Variants in USP6NL observed in about 807,000 individuals in gnomAD.
The protein encoded by USP6NL is USP6 N-terminal-like protein.
Under a neutral mutation model 61.9 loss-of-function variants are expected in USP6NL, and 26 were observed. The observed-to-expected ratio is 0.42, with a 90% CI of 0.31 to 0.58. The LOEUF is 0.58. USP6NL is among the 20% of genes least tolerant of loss of function. The pLI is 0.16. For missense variants in USP6NL, 1,114 were observed against 1,034.3 expected (o/e 1.08, Z -1.06); for synonymous variants, 432 against 390.1 (o/e 1.11, Z -1.27).
At chr10:11,579,703 C>G (rs866109561) in intron 2 of USP6NL, among the ~76,000 whole-genome samples, 2 of 152,300 alleles carry the variant, frequency 1.3e-5, no homozygotes, top group Non-Finnish European at 2.9e-5. Context: ...AACGCTTATC[C>G]CAGTGAATTT....
intron 4 of USP6NL, among the ~76,000 whole-genome samples, chr10:11,519,088 G>A (rs1325397283): frequency 2.0e-5 from 3 of 148,978 alleles, no homozygotes; most frequent in Non-Finnish European, 4.4e-5. Flanking sequence ...TGATGTTGTA[G>A]TACAAAAGCA....
chr10:11,605,616 T>C (rs771504178), intron 1 of USP6NL, among the ~76,000 whole-genome samples: 54 of 152,042 alleles, frequency 3.6e-4, no homozygotes, highest in Non-Finnish European at 6.8e-4. Flanking sequence ...ATATGCAAAA[T>C]CTAAAACTTT....
At position 11,553,437 on chromosome 10, in the gene USP6NL, C is replaced by G. The variant is rs1836567867; in HGVS notation, c.5-25870G>C. ...AGGATACCAGAAATAATATATAACT[C>G]ACTTACGAGACTACTCACTCAGGTG... On this transcript the variant is annotated intron_variant, in intron 2 of 14. Coordinates refer to ENST00000609104, the MANE Select transcript of USP6NL (RefSeq NM_014688.5). This position sits in a 1 kb window ranked among gnomAD's most constrained non-coding sequence, Gnocchi z 4.8. Among the ~76,000 whole-genome samples the G allele has an allele frequency of 6.6e-6, 1 of 152,192 alleles. No individual in the cohort carries two copies. Among genetic ancestry groups the G allele is most frequent in the Non-Finnish European group, 1.5e-5 (1 of 68,036 alleles).
intron 2 of USP6NL, among the ~76,000 whole-genome samples, chr10:11,552,203 A>G (rs1239304585): frequency 2.0e-5 from 3 of 152,206 alleles, no homozygotes; most frequent in Non-Finnish European, 4.4e-5. Flanking sequence ...ATATTCAGCA[A>G]TGTGAGACTT....
At chr10:11,551,529 A>G (rs576058172) in intron 2 of USP6NL, among the ~76,000 whole-genome samples, 4 of 152,354 alleles carry the variant, frequency 2.6e-5, no homozygotes, top group Admixed American at 1.3e-4. Flanking sequence ...CTGAATGAAC[A>G]AGAATTATCT....
rs1838184274 is a variant in USP6NL, at chr10:11,592,412, T to C, written c.4+5219A>G. On this transcript the variant is annotated intron_variant, in intron 2 of 14. Transcript: ENST00000609104. This position sits in a 1 kb window ranked among gnomAD's most constrained non-coding sequence, Gnocchi z 4.7. ...AGATGCCATCAGGTCCCCCAGTAACTGTCAGCCACAAAGTCTCCATACATT... is the reference window on the plus strand; with the variant it reads ...AGATGCCATCAGGTCCCCCAGTAACCGTCAGCCACAAAGTCTCCATACATT... Among the ~76,000 whole-genome samples, 1 of 152,168 alleles carries C rather than the reference T, an allele frequency of 6.6e-6. No individual in the cohort carries two copies. The highest frequency in any genetic ancestry group is 1.5e-5 in the Non-Finnish European group (1 of 68,030).
At chr10:11,484,502 C>T (rs1485710954) in intron 13 of USP6NL, among the ~76,000 whole-genome samples, 2 of 151,818 alleles carry the variant, frequency 1.3e-5, no homozygotes, top group African/African-American at 4.8e-5. Context: ...TCTGTGTGCT[C>T]CCAACCACAG....
intron 2 of USP6NL, among the ~76,000 whole-genome samples, chr10:11,554,448 T>G (rs1389046553): frequency 6.6e-6 from 1 of 152,080 alleles, no homozygotes; most frequent in Non-Finnish European, 1.5e-5. Context: ...CTTGTGGCAG[T>G]CCTGAGAAAA....
At chr10:11,529,016 A>G (rs1452790110) in intron 2 of USP6NL, among the ~76,000 whole-genome samples, 1 of 152,210 alleles carries the variant, frequency 6.6e-6, no homozygotes, top group African/African-American at 2.4e-5. Flanking sequence ...GGCACACAGG[A>G]AAAGAATCAG....
At position 11,463,505 on chromosome 10, in the gene USP6NL, C is replaced by T. The variant is rs1190896155; in HGVS notation, c.1423G>A (p.Ala475Thr). The change falls in exon 15 of 15, where the codon GCC becomes ACC. Residue 475 changes from alanine to threonine, a missense_variant. Physicochemically the swap from Ala to Thr is moderately conservative, Grantham distance 58 (BLOSUM62 0). Transcript: ENST00000609104. This position sits in a 1 kb window ranked among gnomAD's most constrained non-coding sequence, Gnocchi z 6.3. ...AACTCCTTCCTGATATTTGAAGTGG[C>T]GTTGCTATTTTGGTTGGCAGCTGCG... ...NHAAANQNSN[A>T]TSNIRKEFVP... The T allele has an allele frequency of 4.3e-6, 7 of 1,614,048 alleles. No homozygotes were observed. The highest frequency in any genetic ancestry group is 1.6e-4 in the Middle Eastern group (1 of 6,062).
intron 2 of USP6NL, among the ~76,000 whole-genome samples, chr10:11,593,056 A>C (rs532424434): frequency 6.6e-6 from 1 of 152,312 alleles, no homozygotes; most frequent in South Asian, 2.1e-4. Context: ...CAAAAAACTC[A>C]TTTCATTATT....
At position 11,597,500 on chromosome 10, in the gene USP6NL, G is replaced by A; in HGVS notation, c.4+131C>T. 2 of 926,592 alleles carry A rather than the reference G, an allele frequency of 2.2e-6. No homozygotes were observed. Among genetic ancestry groups the A allele is most frequent in the South Asian group, 2.9e-5 (2 of 69,660 alleles). The allele number at this position is 926,592 out of a possible 1,614,324, so 57.4% of individuals were successfully genotyped here. A position where few individuals can be genotyped will look rare whatever the true frequency, so the allele number is the denominator to read the frequency against. The stretch of plus-strand genomic sequence containing the variant: ...TAACACAGACAAGCGCAGAGTGCTG[G>A]GTGGAACCACATTCAAACTCTGAAT... On this transcript the variant is annotated intron_variant, in intron 2 of 14. Coordinates refer to ENST00000609104, the MANE Select transcript of USP6NL (RefSeq NM_014688.5). This position sits in a 1 kb window ranked among gnomAD's most constrained non-coding sequence, Gnocchi z 4.6.
intron 1 of USP6NL, among the ~76,000 whole-genome samples, chr10:11,610,744 C>T (rs1386842686): frequency 6.6e-6 from 1 of 151,260 alleles, no homozygotes; most frequent in Non-Finnish European, 1.5e-5. Flanking sequence ...CATCTATCTG[C>T]GGATTAAATG....
rs1476411332 is a variant in USP6NL at position 11,574,628 on chromosome 10, C to G, written c.4+23003G>C. Among the ~76,000 whole-genome samples, 1 of 152,194 alleles carries G rather than the reference C, an allele frequency of 6.6e-6. No individual in the cohort carries two copies. The highest frequency in any genetic ancestry group is 1.5e-5 in the Non-Finnish European group (1 of 68,034). ...ATGGCTAAATGCTATGTTTATTAAA[C>G]TGATTCTCCACCAGCAATTTGTTCC... On this transcript the variant is annotated intron_variant, in intron 2 of 14. Transcript: ENST00000609104. This position sits in a 1 kb window ranked among gnomAD's most constrained non-coding sequence, Gnocchi z 4.3.
chr10:11,551,322 T>C (rs920363001), intron 2 of USP6NL, among the ~76,000 whole-genome samples: 2 of 152,036 alleles, frequency 1.3e-5, no homozygotes, highest in Admixed American at 6.6e-5. Context: ...ACAATGCAAA[T>C]AAAAGAAGTC....
At chr10:11,524,638 T>G (rs1286731969) in intron 4 of USP6NL, among the ~76,000 whole-genome samples, 1 of 152,186 alleles carries the variant, frequency 6.6e-6, no homozygotes. Context: ...CCTTCAAAAT[T>G]TAATCATGTA....
chr10:11,562,497 C>G lies in USP6NL; in HGVS notation c.5-34930G>C, dbSNP rs1836982316. ...AGGATTAAGTGTGGCTGAGGAGAAA[C>G]GTGAAAAGAGCCGGGTCACTCAAGA... is the stretch of plus-strand genomic sequence containing the variant. On this transcript the variant is annotated intron_variant, in intron 2 of 14. Coordinates refer to ENST00000609104, the MANE Select transcript of USP6NL (RefSeq NM_014688.5). The surrounding 1 kb of genome is among the most constrained non-coding windows in gnomAD (Gnocchi z 4.8). 1 of 985,210 alleles carries G rather than the reference C, an allele frequency of 1.0e-6. No individual in the cohort carries two copies. Among genetic ancestry groups the G allele is most frequent in the African/African-American group, 1.7e-5 (1 of 57,206 alleles). The allele number at this position is 985,210 out of a possible 1,614,324, so 61.0% of individuals were successfully genotyped here.
In USP6NL at chr10:11,548,446, A is replaced by G. The variant is rs1836363265; in HGVS notation, c.5-20879T>C. Among the ~76,000 whole-genome samples, 1 of 152,106 alleles carries G rather than the reference A, an allele frequency of 6.6e-6. No homozygotes were observed. The highest frequency in any genetic ancestry group is 1.5e-5 in the Non-Finnish European group (1 of 68,020). On this transcript the variant is annotated intron_variant, in intron 2 of 14. Coordinates refer to ENST00000609104, the MANE Select transcript of USP6NL (RefSeq NM_014688.5). This position sits in a 1 kb window ranked among gnomAD's most constrained non-coding sequence, Gnocchi z 4.3. ...AGAAGCTTTCTCAATCTCAATACAG[A>G]GCTTGACATTTTATTATTTTTAATT...
intron 2 of USP6NL, among the ~76,000 whole-genome samples, chr10:11,554,756 A>G (rs997805547): frequency 6.6e-6 from 1 of 151,194 alleles, no homozygotes; most frequent in Non-Finnish European, 1.5e-5. Flanking sequence ...CCAAGAAAAA[A>G]AAAAAGAAAA....
Sources: gnomAD v4.1 joint callset for allele counts (sites outside exome capture counted in the v4.1 genomes callset) on GRCh38, gnomAD v4.1.1 for gene constraint, Gnocchi (gnomAD v3.1) non-coding constraint, MANE v1.5 for transcripts, NCBI Gene and HGNC (gene_info 2026-07-23, HGNC 2026-07-21) for gene names.